Variants in NOL11 observed in about 807,000 individuals in gnomAD.
NOL11 encodes the protein nucleolar protein 11.
In NOL11, 42 loss-of-function variants were observed where a neutral mutation model predicts 93.0. The ratio of observed to expected loss-of-function variants is 0.45; its 90% CI spans 0.35 to 0.58. The LOEUF (loss-of-function observed/expected upper bound fraction) is 0.58, where lower values mean the gene tolerates loss of function less well. Ranked by LOEUF, NOL11 falls within the 20% of genes least tolerant of loss-of-function variation. The pLI, the probability that NOL11 is intolerant of heterozygous loss-of-function variation, is 0.00. For missense variants in NOL11, 775 were observed against 841.8 expected (o/e 0.92, Z 0.98); for synonymous variants, 296 against 293.7 (o/e 1.01, Z -0.08).
At position 67,719,890 on chromosome 17, in the gene NOL11, T is replaced by C; in HGVS notation, c.256-16T>C. On this transcript the variant is annotated splice_polypyrimidine_tract_variant and intron_variant, in intron 2 of 17. Coordinates refer to ENST00000253247, the MANE Select transcript of NOL11 (RefSeq NM_015462.5). ...GGAGAATAGGATAGTTTTTAACTAG[T>C]ATGTTTTGATTTAAGGTTTTAAGAA... The C allele has an allele frequency of 6.4e-7, 1 of 1,553,640 alleles. No individual in the cohort carries two copies. Among genetic ancestry groups the C allele is most frequent in the South Asian group, 1.2e-5 (1 of 84,904 alleles).
At chr17:67,718,208 C>A in intron 1 of NOL11, 120 bp downstream of exon 1, 1 of 1,359,480 alleles carries the variant, frequency 7.4e-7, no homozygotes, top group Non-Finnish European at 1.0e-6. Context: ...TAGCAGAGAG[C>A]CGGCTGGGCC....
At chr17:67,719,479 T>G in intron 1 of NOL11, 195 bp from the exon 2 acceptor site, 1 of 381,014 alleles carries the variant, frequency 2.6e-6, no homozygotes, top group South Asian at 3.1e-5. Flanking sequence ...CAAGCTGGTC[T>G]CGAACTCCTG....
chr17:67,731,733 T>G (rs1237589373), intron 7 of NOL11, among the ~76,000 whole-genome samples: 1 of 152,220 alleles, frequency 6.6e-6, no homozygotes. Context: ...AGGGATTAAC[T>G]TTGTTCCTTT....
chr17:67,717,956 G>T lies in NOL11; in HGVS notation c.9G>T (p.Ala3=). 6.2e-7 allele frequency: 1 copy of T among 1,614,214 alleles called. No individual in the cohort carries two copies. Among genetic ancestry groups the T allele is most frequent in the Non-Finnish European group, 8.5e-7 (1 of 1,180,026 alleles). The change falls in exon 1 of 18, where the codon GCG becomes GCT. Residue 3 remains alanine, a synonymous_variant. Coordinates refer to ENST00000253247, the MANE Select transcript of NOL11 (RefSeq NM_015462.5). The part of the protein sequence containing the change: MA[A]LEEEFTLSSV... Reference sequence around the variant, plus strand: ...ACTTAGGTTTGCTCAAAATGGCAGCGCTGGAGGAAGAATTCACGTTGTCTT... The same window carrying T: ...ACTTAGGTTTGCTCAAAATGGCAGCTCTGGAGGAAGAATTCACGTTGTCTT...
At chr17:67,724,829 T>C (rs12941728) in intron 6 of NOL11, among the ~76,000 whole-genome samples, 151,960 of 152,026 alleles carry the variant, frequency 1, 75,947 homozygotes, top group Middle Eastern at 1. Context: ...GAGGCTGAGG[T>C]GGGCAGATCA....
rs1440347575 is a variant in NOL11 at position 67,726,609 on chromosome 17, C to T, written c.814C>T (p.His272Tyr). 2 of 1,613,564 alleles carry T rather than the reference C, an allele frequency of 1.2e-6. No individual in the cohort carries two copies. The highest frequency in any genetic ancestry group is 1.7e-6 in the Non-Finnish European group (2 of 1,179,794). Residue 272 changes from histidine to tyrosine, a missense_variant, in exon 7 of 18, where the codon CAC becomes TAC. By Grantham distance (83) the His-to-Tyr change is moderately conservative (BLOSUM62 2). Coordinates refer to ENST00000253247, the MANE Select transcript of NOL11 (RefSeq NM_015462.5). The stretch of plus-strand genomic sequence containing the variant: ...TGCACTCACTGCCCTGGATCAGGAT[C>T]ACGTCGCAGTCCTAGGAAGTCCACT... ...GVALTALDQD[H>Y]VAVLGSPLAA...
chr17:67,719,958 C>G lies in NOL11; in HGVS notation c.308C>G (p.Ala103Gly). The change falls in exon 3 of 18, where the codon GCT becomes GGT. Residue 103 changes from alanine (A) to glycine (G), a missense_variant. By Grantham distance (60) the Ala-to-Gly change is moderately conservative (BLOSUM62 0). This residue lies in a region of NOL11 where 359 missense variants were observed against 316.5 expected (regional missense o/e 1.13). Coordinates refer to ENST00000253247, the MANE Select transcript of NOL11 (RefSeq NM_015462.5). ...EDVNLDKVFK[A>G]TLSAEVYRIL... ...GTAAACCTGGATAAAGTATTTAAAG[C>G]TACAGTAAGTCTTTGAATTTTCCAA... The G allele has an allele frequency of 1.3e-6, 2 of 1,559,880 alleles. No homozygotes were observed. The highest frequency in any genetic ancestry group is 1.4e-5 in the African/African-American group (1 of 72,854).
At chr17:67,740,166 C>T (rs929635033) in intron 16 of NOL11, among the ~76,000 whole-genome samples, 14 of 150,212 alleles carry the variant, frequency 9.3e-5, no homozygotes, top group African/African-American at 2.0e-4. Flanking sequence ...ACCCAGGAGG[C>T]GGACGTTGCA....
Position 67,724,186 on chromosome 17 carries a change from GTCA to G in NOL11, c.659_661del (p.Ser220del). On this transcript the variant is annotated inframe_deletion, in exon 6 of 18. Coordinates refer to ENST00000253247, the MANE Select transcript of NOL11 (RefSeq NM_015462.5). The stretch of plus-strand genomic sequence containing the variant: ...TAGATCGGAAATTCATCTCTTTGAT[GTCA>G]TTAAGTAAGTTTTCTTTCTTTAAAC... 1 of 1,554,778 alleles carries G rather than the reference GTCA, an allele frequency of 6.4e-7. No individual in the cohort carries two copies. The highest frequency in any genetic ancestry group is 8.7e-7 in the Non-Finnish European group (1 of 1,148,382).
intron 6 of NOL11, 136 bp from the exon 7 acceptor site, chr17:67,726,324 A>T (rs1338298996): frequency 1.7e-6 from 1 of 579,672 alleles, no homozygotes; most frequent in African/African-American, 1.9e-5. Flanking sequence ...GAGAAAGCAC[A>T]GTGATGGGAT....
At chr17:67,719,866 G>C (rs756993183) in intron 2 of NOL11, 40 bp from the exon 3 acceptor site, 2 of 1,525,074 alleles carry the variant, frequency 1.3e-6, no homozygotes, top group South Asian at 2.4e-5. Context: ...TATGTAAATG[G>C]AGAATAGGAT....
Position 67,739,575 on chromosome 17 carries a change from T to G in NOL11, c.1902T>G (p.Thr634=). 6.2e-7 allele frequency: 1 copy of G among 1,601,706 alleles called. No individual in the cohort carries two copies. Among genetic ancestry groups the G allele is most frequent in the South Asian group, 1.1e-5 (1 of 88,604 alleles). Residue 634 remains threonine (T), a synonymous_variant, in exon 16 of 18, where the codon ACT becomes ACG. Transcript: ENST00000253247. ...YLKCSENATM[T]LPGIHPPTLN... is the part of the protein sequence containing the mutation. ...AGTGTAGCGAAAATGCTACTATGAC[T>G]CTTCCTGGAATACACCCACCTACCT...
intron 1 of NOL11, 115 bp downstream of exon 1, chr17:67,718,203 G>A (rs1353606649): frequency 7.0e-7 from 1 of 1,431,938 alleles, no homozygotes; most frequent in Non-Finnish European, 9.5e-7. Context: ...AGGCTTAGCA[G>A]AGAGCCGGCT....
intron 1 of NOL11, among the ~76,000 whole-genome samples, chr17:67,718,524 G>A (rs9900423): frequency 0.12 from 17,976 of 152,106 alleles, 1,170 homozygotes; most frequent in East Asian, 0.17. Context: ...CTTTGTAGGG[G>A]CGGGGACAAT....
intron 5 of NOL11, 89 bp downstream of exon 5, chr17:67,722,726 C>A: frequency 1.4e-6 from 2 of 1,430,950 alleles, no homozygotes; most frequent in East Asian, 2.7e-5. Flanking sequence ...GCCCTGTCAC[C>A]CAGGCTTGAG....
At chr17:67,727,418 T>C (rs2055106151) in intron 7 of NOL11, among the ~76,000 whole-genome samples, 1 of 152,170 alleles carries the variant, frequency 6.6e-6, no homozygotes, top group South Asian at 2.1e-4. Context: ...TCCCAGCACT[T>C]TGGGAGGCCT....
chr17:67,737,850 G>A lies in NOL11; in HGVS notation c.1407G>A (p.Leu469=). 6.2e-7 allele frequency: 1 copy of A among 1,610,436 alleles called. No individual in the cohort carries two copies. Among genetic ancestry groups the A allele is most frequent in the Non-Finnish European group, 8.5e-7 (1 of 1,179,108 alleles). The change falls in exon 13 of 18, where the codon TTG becomes TTA. Residue 469 remains leucine, a synonymous_variant. Coordinates refer to ENST00000253247, the MANE Select transcript of NOL11 (RefSeq NM_015462.5). Reference sequence around the variant, plus strand: ...GATTCAGATTTTTTTGTCTTAGTTTGTGCCCCGACTTAATGGAGATTGCCT... The same window carrying A: ...GATTCAGATTTTTTTGTCTTAGTTTATGCCCCGACTTAATGGAGATTGCCT... ...LIQTHVLSYS[L]CPDLMEIALK... is the part of the protein sequence containing the mutation.
intron 16 of NOL11, among the ~76,000 whole-genome samples, chr17:67,742,546 T>C (rs2055266151): frequency 6.6e-6 from 1 of 152,250 alleles, no homozygotes; most frequent in African/African-American, 2.4e-5. Context: ...ATAACTTCTT[T>C]ATGGCTTATG....
chr17:67,720,197 G>A (rs2043207478), intron 3 of NOL11: 1 of 314,594 alleles, frequency 3.2e-6, no homozygotes. Context: ...CCATGAGTTT[G>A]GATGTTTGGA....
Sources: gnomAD v4.1 joint callset for allele counts (sites outside exome capture counted in the v4.1 genomes callset) on GRCh38, gnomAD v4.1.1 for gene constraint, gnomAD v4.1.1 regional missense constraint, MANE v1.5 for transcripts, NCBI Gene and HGNC (gene_info 2026-07-23, HGNC 2026-07-21) for gene names.